MED14: variants seen among roughly 807,000 people sequenced by gnomAD.
MED14 encodes the protein mediator of RNA polymerase II transcription subunit 14.
A neutral mutation model predicts 109.0 loss-of-function variants in MED14; 8 were observed. The observed-to-expected ratio is 0.07, with a 90% CI of 0.04 to 0.13. MED14 has a LOEUF of 0.13. Ranked by LOEUF, MED14 falls within the 10% of genes least tolerant of loss-of-function variation. The pLI is 1.00. For synonymous variants in MED14, 399 were observed against 408.7 expected (o/e 0.98, Z 0.29); for missense variants, 711 against 1,142.4 (o/e 0.62, Z 5.44).
At chrX:40,705,093 CA>C (rs1036845053) in intron 10 of MED14, among the ~76,000 whole-genome samples, 8 of 111,470 alleles carry the variant, frequency 7.2e-5, no homozygotes, top group Non-Finnish European at 1.3e-4. Flanking sequence ...AAAAACAGAA[CA>C]AAAAGGGCAA....
chrX:40,682,460 G>T, intron 18 of MED14, 143 bp downstream of exon 18: 1 of 502,514 alleles, frequency 2.0e-6, no homozygotes, highest in Non-Finnish European at 3.2e-6. Flanking sequence ...ATTGAAGTCT[G>T]AAGTGAAAGG....
chrX:40,653,946 G>GA (rs746063505), intron 30 of MED14: 32 of 124,535 alleles, frequency 2.6e-4, no homozygotes, highest in African/African-American at 9.9e-4. Flanking sequence ...TTCTATTCGT[G>GA]ATTGAACCAT....
At position 40,720,321 on chromosome X, in the gene MED14, C is replaced by T. The variant is rs1357068770; in HGVS notation, c.349-5611G>A. 2.4e-4 allele frequency among the ~76,000 whole-genome samples: 27 copies of T among 112,045 alleles called. No homozygotes were observed. In the Admixed American group the frequency reaches 2.5e-3, roughly 11 times the overall value. On this transcript the variant is annotated intron_variant, in intron 3 of 30. Coordinates refer to ENST00000324817, the MANE Select transcript of MED14 (RefSeq NM_004229.4). The stretch of plus-strand genomic sequence containing the variant: ...CTTGAATCCCTGACACCACCCCTCC[C>T]CTGCCACCCCAACAGAGGCCCTGCA...
chrX:40,700,918 G>A (rs543595697), intron 12 of MED14, among the ~76,000 whole-genome samples: 2 of 111,655 alleles, frequency 1.8e-5, no homozygotes, highest in African/African-American at 6.5e-5. Flanking sequence ...AGAAAATGTG[G>A]TAAGGGATGA....
At chrX:40,691,299 G>A (rs773821143) in intron 15 of MED14, among the ~76,000 whole-genome samples, 2 of 111,880 alleles carry the variant, frequency 1.8e-5, no homozygotes, top group Non-Finnish European at 3.8e-5. Flanking sequence ...AAAGGATCCC[G>A]GTTTTACTAG....
chrX:40,707,644 T>G (rs1272637431), intron 10 of MED14, among the ~76,000 whole-genome samples: 3 of 111,999 alleles, frequency 2.7e-5, no homozygotes, highest in African/African-American at 6.5e-5. Flanking sequence ...TCAAAAAAAA[T>G]GTGTTAAAAA....
intron 30 of MED14, 146 bp downstream of exon 30, chrX:40,654,218 T>G: frequency 4.2e-6 from 2 of 476,379 alleles, no homozygotes; most frequent in Non-Finnish European, 3.4e-6. Context: ...AGGCAGACAT[T>G]AAGAGGGCCA....
chrX:40,649,055 G>T lies in MED14; in HGVS notation c.*2751C>A, dbSNP rs1236098545. On this transcript the variant is annotated 3_prime_UTR_variant, in exon 31 of 31. Transcript: ENST00000324817. Reference sequence around the variant, plus strand: ...ACTTGGATGATAAATAAACATTAAGGTAAAATGTAATAGGCACTTCTTTTG... The same window carrying T: ...ACTTGGATGATAAATAAACATTAAGTTAAAATGTAATAGGCACTTCTTTTG... 8.9e-6 allele frequency: 1 copy of T among 112,173 alleles called. No individual in the cohort carries two copies. The highest frequency in any genetic ancestry group is 1.9e-5 in the Non-Finnish European group (1 of 53,239). The allele number at this position is 112,173 out of a possible 1,213,427, so 9.2% of individuals were successfully genotyped here. A position where few individuals can be genotyped will look rare whatever the true frequency, so the allele number is the denominator to read the frequency against.
At chrX:40,729,575 A>C (rs994749224) in intron 1 of MED14, 21 of 386,701 alleles carry the variant, frequency 5.4e-5, no homozygotes, top group African/African-American at 3.6e-4. Flanking sequence ...AAAATACTTC[A>C]AAATGTATTG....
rs752003282 is a variant in MED14 at position 40,664,361 on chromosome X, G to A, written c.3394C>T (p.Pro1132Ser). The change falls in exon 25 of 31, where the codon CCC (proline) becomes TCC (serine). Residue 1132 changes from proline (P) to serine (S), a missense_variant. Coordinates refer to ENST00000324817, the MANE Select transcript of MED14 (RefSeq NM_004229.4). The part of the protein sequence containing the change: ...ARMPGMSPAN[P>S]SLHSPVPDAS... ...TCTGGAACCGGAGAATGTAGTGAGG[G>A]GTTGGCTGGTGACATTCCAGGCATG... 4 of 1,206,590 alleles carry A rather than the reference G, an allele frequency of 3.3e-6. No homozygotes were observed. The highest frequency in any genetic ancestry group is 3.6e-5 in the South Asian group (2 of 55,673).
intron 23 of MED14, among the ~76,000 whole-genome samples, chrX:40,668,212 G>C (rs749767579): frequency 9.1e-6 from 1 of 109,993 alleles, no homozygotes; most frequent in African/African-American, 3.3e-5. Flanking sequence ...GCAAAACCCC[G>C]TCTCTACTAA....
At chrX:40,674,400 C>T (rs1339580979) in intron 22 of MED14, among the ~76,000 whole-genome samples, 2 of 112,196 alleles carry the variant, frequency 1.8e-5, no homozygotes, top group Non-Finnish European at 3.8e-5. Context: ...AGTAGCCAGA[C>T]CAGAAGCTAA....
At position 40,650,535 on chromosome X, in the gene MED14, G is replaced by T; in HGVS notation, c.*1271C>A. 1.3e-6 allele frequency: 1 copy of T among 753,868 alleles called. No homozygotes were observed. Among genetic ancestry groups the T allele is most frequent in the Non-Finnish European group, 1.6e-6 (1 of 639,175 alleles). The allele number at this position is 753,868 out of a possible 1,213,427, so 62.1% of individuals were successfully genotyped here. A position where few individuals can be genotyped will look rare whatever the true frequency, so the allele number is the denominator to read the frequency against. Reference sequence around the variant, plus strand: ...AATTTTTCCTAAATACCATGAAGTCGGTAGAAGACCTTTGCATCAGACCAT... The same window carrying T: ...AATTTTTCCTAAATACCATGAAGTCTGTAGAAGACCTTTGCATCAGACCAT... On this transcript the variant is annotated 3_prime_UTR_variant, in exon 31 of 31. Transcript: ENST00000324817.
chrX:40,674,748 A>G (rs373615117), intron 22 of MED14, among the ~76,000 whole-genome samples: 6 of 112,197 alleles, frequency 5.3e-5, no homozygotes, highest in African/African-American at 1.9e-4. Flanking sequence ...CAGACATGTG[A>G]AGGTGACAGG....
intron 12 of MED14, among the ~76,000 whole-genome samples, chrX:40,700,644 T>G (rs1012857592): frequency 2.7e-5 from 3 of 111,203 alleles, no homozygotes; most frequent in East Asian, 2.8e-4. Context: ...GGTACCTTTG[T>G]GTACCAGAGT....
intron 28 of MED14, among the ~76,000 whole-genome samples, chrX:40,655,836 AAG>A (rs1468359910): frequency 8.9e-6 from 1 of 112,006 alleles, no homozygotes; most frequent in African/African-American, 3.3e-5. Flanking sequence ...TAACTAAAAA[AAG>A]AGTGAGGTAA....
chrX:40,714,486 A>C, intron 4 of MED14, 51 bp downstream of exon 4: 1 of 1,160,580 alleles, frequency 8.6e-7, no homozygotes, highest in Non-Finnish European at 1.2e-6. Context: ...AATCCAATCC[A>C]GTGCCAAAAC....
At chrX:40,687,587 C>T (rs1930340870) in intron 16 of MED14, among the ~76,000 whole-genome samples, 1 of 111,473 alleles carries the variant, frequency 9.0e-6, no homozygotes, top group Non-Finnish European at 1.9e-5. Flanking sequence ...AGCCTCATTT[C>T]TCCCATCTCC....
At chrX:40,674,069 G>C (rs951834319) in intron 22 of MED14, among the ~76,000 whole-genome samples, 3 of 110,975 alleles carry the variant, frequency 2.7e-5, no homozygotes, top group Non-Finnish European at 5.7e-5. Flanking sequence ...GCAAGAAAGT[G>C]GCTTCCACAA....
Sources: allele counts gnomAD v4.1 joint callset (sites outside exome capture counted in the v4.1 genomes callset), GRCh38; gene constraint gnomAD v4.1.1; transcripts MANE v1.5; gene names NCBI Gene and HGNC (gene_info 2026-07-23, HGNC 2026-07-21).